SMOC2: variants seen among roughly 807,000 people sequenced by gnomAD.
The protein encoded by SMOC2 is SPARC-related modular calcium-binding protein 2.
A neutral mutation model predicts 61.4 loss-of-function variants in SMOC2; 39 were observed. The observed-to-expected ratio is 0.64, with a 90% CI of 0.49 to 0.83. The LOEUF (loss-of-function observed/expected upper bound fraction) is 0.83, where lower values mean the gene tolerates loss of function less well. Among genes scored for constraint, SMOC2 ranks in the 40% least tolerant of loss-of-function variants. The pLI, the probability that SMOC2 is intolerant of heterozygous loss-of-function variation, is 0.00. For missense variants in SMOC2, 556 were observed against 592.9 expected (o/e 0.94, Z 0.65); for synonymous variants, 247 against 239.9 (o/e 1.03, Z -0.27).
At chr6:168,660,750 C>T (rs543279364) in intron 11 of SMOC2, among the ~76,000 whole-genome samples, 1 of 152,350 alleles carries the variant, frequency 6.6e-6, no homozygotes, top group East Asian at 1.9e-4. Context: ...AGCCTCCCAC[C>T]TTCCAAAGGC....
intron 9 of SMOC2, among the ~76,000 whole-genome samples, chr6:168,635,762 T>C (rs930541400): frequency 1.3e-5 from 2 of 151,654 alleles, no homozygotes; most frequent in African/African-American, 4.8e-5. Flanking sequence ...TCCCAGCTAC[T>C]TGGGAGGCTG....
chr6:168,564,654 G>A (rs1375531828), intron 7 of SMOC2, among the ~76,000 whole-genome samples: 2 of 152,174 alleles, frequency 1.3e-5, no homozygotes, highest in African/African-American at 4.8e-5. Context: ...GTAAAGTCCA[G>A]TTTACCTATC....
chr6:168,502,795 C>T (rs555231817), intron 1 of SMOC2, among the ~76,000 whole-genome samples: 2 of 151,982 alleles, frequency 1.3e-5, no homozygotes, highest in East Asian at 1.9e-4. Context: ...GAGACAGAGT[C>T]TTGCTCTGTC....
intron 9 of SMOC2, among the ~76,000 whole-genome samples, chr6:168,624,168 G>A (rs1786323576): frequency 6.6e-6 from 1 of 152,210 alleles, no homozygotes; most frequent in Non-Finnish European, 1.5e-5. Flanking sequence ...CAGCCTAGGT[G>A]CTTTCCCTAT....
intron 7 of SMOC2, among the ~76,000 whole-genome samples, chr6:168,586,193 A>T (rs1468213724): frequency 1.3e-5 from 2 of 152,160 alleles, no homozygotes; most frequent in Non-Finnish European, 2.9e-5. Flanking sequence ...TTCCATCTTT[A>T]ACTGTCATGT....
chr6:168,529,917 C>T (rs569929263), intron 4 of SMOC2, among the ~76,000 whole-genome samples: 2 of 152,342 alleles, frequency 1.3e-5, no homozygotes, highest in South Asian at 2.1e-4. Flanking sequence ...TCTGGGCATA[C>T]CCTTGGGGGT....
At chr6:168,444,775 G>A (rs150093327) in intron 1 of SMOC2, among the ~76,000 whole-genome samples, 115 of 152,278 alleles carry the variant, frequency 7.6e-4, no homozygotes, top group African/African-American at 2.5e-3. Flanking sequence ...GCAAACAGGC[G>A]TGATCACAAT....
At chr6:168,573,782 C>A (rs369103160) in intron 7 of SMOC2, among the ~76,000 whole-genome samples, 1 of 152,246 alleles carries the variant, frequency 6.6e-6, no homozygotes, top group Non-Finnish European at 1.5e-5. Flanking sequence ...CAGGCAGGTG[C>A]CCCCGACGTG....
chr6:168,615,535 A>T (rs1213266570), intron 9 of SMOC2, among the ~76,000 whole-genome samples: 1 of 98,920 alleles, frequency 1.0e-5, no homozygotes, highest in Non-Finnish European at 2.2e-5. Flanking sequence ...CTTCATACTT[A>T]CAGCCGGCAC....
intron 1 of SMOC2, among the ~76,000 whole-genome samples, chr6:168,464,243 G>GAAGA (rs1373960437): frequency 6.6e-6 from 1 of 151,242 alleles, no homozygotes; most frequent in Admixed American, 6.6e-5. Context: ...AGGAAGGAAG[G>GAAGA]AAGAAAGGAA....
At chr6:168,442,088 G>A (rs1015555646) in intron 1 of SMOC2, among the ~76,000 whole-genome samples, 1 of 152,240 alleles carries the variant, frequency 6.6e-6, no homozygotes, top group Admixed American at 6.5e-5. Flanking sequence ...AGTGAGCCGA[G>A]GAAGAAGCAG....
chr6:168,553,011 C>T lies in SMOC2; in HGVS notation c.637+3808C>T. Among the ~76,000 whole-genome samples the T allele has an allele frequency of 6.6e-6, 1 of 152,202 alleles. No individual in the cohort carries two copies. Among genetic ancestry groups the T allele is most frequent in the Middle Eastern group, 3.4e-3 (1 of 294 alleles). ...TTTGTACCAGCATATGTTCCACGGG[C>T]CCTACTGTAGCATCATTACTCTTTT... is the stretch of plus-strand genomic sequence containing the variant. On this transcript the variant is annotated intron_variant, in intron 7 of 12. Transcript: ENST00000356284. This position sits in a 1 kb window ranked among gnomAD's most constrained non-coding sequence, Gnocchi z 4.2.
chr6:168,599,259 C>A (rs1185284734), intron 8 of SMOC2, among the ~76,000 whole-genome samples: 1 of 145,306 alleles, frequency 6.9e-6, no homozygotes, highest in Non-Finnish European at 1.5e-5. Context: ...CACACATACC[C>A]ACACACACCC....
rs1400907355 is a variant in SMOC2, at chr6:168,535,630, G to A, written c.463+7903G>A. The stretch of plus-strand genomic sequence containing the variant: ...AAAAGCCGGTGCCACAAAGTCCACC[G>A]AAACCCTCCTCCAAGTCCATAAATA... On this transcript the variant is annotated intron_variant, in intron 4 of 12. Transcript: ENST00000356284. This position sits in a 1 kb window ranked among gnomAD's most constrained non-coding sequence, Gnocchi z 4.6. Among the ~76,000 whole-genome samples the A allele has an allele frequency of 6.6e-5, 10 of 152,128 alleles. No homozygotes were observed. Among genetic ancestry groups the A allele is most frequent in the South Asian group, 6.2e-4 (3 of 4,822 alleles).
At chr6:168,476,634 ATG>A (rs1420330197) in intron 1 of SMOC2, among the ~76,000 whole-genome samples, 1 of 151,956 alleles carries the variant, frequency 6.6e-6, no homozygotes, top group Admixed American at 6.6e-5. Flanking sequence ...ATATATATAG[ATG>A]TGTGTGTGTA....
At chr6:168,563,651 C>G (rs775654389) in intron 7 of SMOC2, among the ~76,000 whole-genome samples, 1 of 152,036 alleles carries the variant, frequency 6.6e-6, no homozygotes, top group Non-Finnish European at 1.5e-5. Context: ...GAAAAGAGGC[C>G]CAGGAGACCC....
chr6:168,666,115 T>C (rs1787655319), intron 12 of SMOC2, among the ~76,000 whole-genome samples: 2 of 152,242 alleles, frequency 1.3e-5, no homozygotes, highest in South Asian at 4.1e-4. Flanking sequence ...TATTTTTGTA[T>C]AATCAAGGTG....
chr6:168,566,838 T>C (rs759816976), intron 7 of SMOC2, among the ~76,000 whole-genome samples: 1 of 152,078 alleles, frequency 6.6e-6, no homozygotes, highest in Non-Finnish European at 1.5e-5. Context: ...CTTTGCAAAG[T>C]GTAGAGTGGG....
chr6:168,460,722 A>T (rs1179918434), intron 1 of SMOC2, among the ~76,000 whole-genome samples: 1 of 152,296 alleles, frequency 6.6e-6, no homozygotes, highest in East Asian at 1.9e-4. Context: ...ATTGAAGTTG[A>T]TCATGATCTC....
Sources: gnomAD v4.1 joint callset for allele counts (sites outside exome capture counted in the v4.1 genomes callset) on GRCh38, gnomAD v4.1.1 for gene constraint, Gnocchi (gnomAD v3.1) non-coding constraint, MANE v1.5 for transcripts, NCBI Gene and HGNC (gene_info 2026-07-23, HGNC 2026-07-21) for gene names.